PAX9: variants seen among roughly 807,000 people sequenced by gnomAD.
PAX9 encodes the protein paired box protein Pax-9.
A neutral mutation model predicts 29.1 loss-of-function variants in PAX9; 6 were observed. The observed-to-expected ratio is 0.21, with a 90% CI of 0.11 to 0.41. The LOEUF (loss-of-function observed/expected upper bound fraction) is 0.41. Among genes scored for constraint, PAX9 ranks in the 10% least tolerant of loss-of-function variants. The pLI, the probability that PAX9 is intolerant of heterozygous loss-of-function variation, is 1.00. For missense variants in PAX9, 443 were observed against 479.1 expected (o/e 0.92, Z 0.70); for synonymous variants, 217 against 211.7 (o/e 1.03, Z -0.22).
intron 2 of PAX9, among the ~76,000 whole-genome samples, chr14:36,665,813 T>G (rs1165817316): frequency 6.6e-6 from 1 of 152,244 alleles, no homozygotes; most frequent in African/African-American, 2.4e-5. Flanking sequence ...ATATCACATA[T>G]GTAATGTGTA....
Position 36,663,610 on chromosome 14 carries a change from A to G in PAX9, c.631+87A>G. 3 of 1,531,856 alleles carry G rather than the reference A, an allele frequency of 2.0e-6. No individual in the cohort carries two copies. In the South Asian group the frequency reaches 3.5e-5, roughly 18 times the overall value. The allele number at this position is 1,531,856 out of a possible 1,614,324, so 94.9% of individuals were successfully genotyped here. A position where few individuals can be genotyped will look rare whatever the true frequency, so the allele number is the denominator to read the frequency against. On this transcript the variant is annotated intron_variant, in intron 2 of 3. Transcript: ENST00000361487. ...TCCCAGTATCTGCAGCCTCAGGGACACTGTCTTTCCCACCACCTGAGGCTT... is the reference window on the plus strand; with the variant it reads ...TCCCAGTATCTGCAGCCTCAGGGACGCTGTCTTTCCCACCACCTGAGGCTT...
At chr14:36,666,301 CAGG>C in intron 2 of PAX9, 158 bp from the exon 3 acceptor site, 1 of 819,524 alleles carries the variant, frequency 1.2e-6, no homozygotes. Flanking sequence ...GCTGGAAGCA[CAGG>C]AGGTCGCGGC....
chr14:36,672,852 C>CTTTTT lies in PAX9; in HGVS notation c.772-3320_772-3316dup, dbSNP rs3061562. On this transcript the variant is annotated intron_variant, in intron 3 of 3. Transcript: ENST00000361487. ...TTCTTTTTTCTTTCTTTCTTTCTTCCTTTTTTTTTTTTTTTTTTTTTTTTT... is the reference window on the plus strand; with the variant it reads ...TTCTTTTTTCTTTCTTTCTTTCTTCCTTTTTTTTTTTTTTTTTTTTTTTTTTTTTT... Among the ~76,000 whole-genome samples, 11 of 19,158 alleles carry CTTTTT rather than the reference C, an allele frequency of 5.7e-4. 3 individuals are homozygous for CTTTTT. Among genetic ancestry groups the CTTTTT allele is most frequent in the Admixed American group, 2.6e-3 (3 of 1,160 alleles). 12.6% of individuals were successfully genotyped at this position (19,158 alleles called of 152,430 possible).
chr14:36,679,265 A>G lies in PAX9; in HGVS notation c.*2813A>G. ...ATAAATTTTAAAAAACACGTTGGAA[A>G]GGATGTACAACAGAAGGCTATGTAT... On this transcript the variant is annotated 3_prime_UTR_variant, in exon 4 of 4. Coordinates refer to ENST00000361487, the MANE Select transcript of PAX9 (RefSeq NM_001372076.1). 1.0e-6 allele frequency: 1 copy of G among 983,444 alleles called. No homozygotes were observed. The highest frequency in any genetic ancestry group is 4.7e-5 in the South Asian group (1 of 21,234). 60.9% of individuals were successfully genotyped at this position (983,444 alleles called of 1,614,324 possible).
intron 3 of PAX9, among the ~76,000 whole-genome samples, chr14:36,672,368 C>T (rs971732390): frequency 5.9e-5 from 9 of 152,122 alleles, no homozygotes; most frequent in African/African-American, 1.7e-4. Flanking sequence ...CGATTTGGGA[C>T]GTTTAAGTCA....
At chr14:36,665,744 A>G (rs998024208) in intron 2 of PAX9, among the ~76,000 whole-genome samples, 7 of 152,182 alleles carry the variant, frequency 4.6e-5, no homozygotes, top group Non-Finnish European at 8.8e-5. Flanking sequence ...AAACCCTGCC[A>G]CTAACACCCA....
intron 3 of PAX9, 113 bp downstream of exon 3, chr14:36,666,714 C>A: frequency 7.5e-7 from 1 of 1,340,036 alleles, no homozygotes; most frequent in Non-Finnish European, 1.0e-6. Context: ...CCCAGGCTGG[C>A]GTCCCTTTGC....
upstream of PAX9, among the ~76,000 whole-genome samples, chr14:36,658,373 T>TGGGGG (rs36065207): frequency 7.8e-6 from 1 of 128,824 alleles, no homozygotes; most frequent in African/African-American, 2.9e-5. Context: ...GGGCCTCGCT[T>TGGGGG]GGGGGGGGGG....
chr14:36,659,326 T>C (rs1881166129), upstream of PAX9, among the ~76,000 whole-genome samples: 1 of 152,046 alleles, frequency 6.6e-6, no homozygotes, highest in Non-Finnish European at 1.5e-5. Flanking sequence ...TCATCCTCTT[T>C]CTCTGCCTCA....
upstream of PAX9, among the ~76,000 whole-genome samples, chr14:36,660,854 G>A (rs1303029942): frequency 1.3e-5 from 2 of 152,268 alleles, no homozygotes; most frequent in Non-Finnish European, 2.9e-5. Flanking sequence ...TAGACTTACA[G>A]TGAATAAAAG....
upstream of PAX9, among the ~76,000 whole-genome samples, chr14:36,659,547 C>A (rs778327006): frequency 2.0e-5 from 3 of 152,202 alleles, no homozygotes; most frequent in Admixed American, 1.3e-4. Flanking sequence ...ACTCTTCCTG[C>A]GCTCTTGAGA....
At position 36,678,656 on chromosome 14, in the gene PAX9, A is replaced by C; in HGVS notation, c.*2204A>C. On this transcript the variant is annotated 3_prime_UTR_variant, in exon 4 of 4. Coordinates refer to ENST00000361487, the MANE Select transcript of PAX9 (RefSeq NM_001372076.1). Reference sequence around the variant, plus strand: ...TTTTAGGTGGCTGTTAGGGGGCTTTAAAAAATATTACTTGCTTGTGTGGAA... The same window carrying C: ...TTTTAGGTGGCTGTTAGGGGGCTTTCAAAAATATTACTTGCTTGTGTGGAA... 8.0e-7 allele frequency: 1 copy of C among 1,251,090 alleles called. No individual in the cohort carries two copies. 77.5% of individuals were successfully genotyped at this position (1,251,090 alleles called of 1,614,324 possible). A position where few individuals can be genotyped will look rare whatever the true frequency, so the allele number is the denominator to read the frequency against.
intron 3 of PAX9, among the ~76,000 whole-genome samples, chr14:36,666,922 C>T (rs1881523514): frequency 6.6e-6 from 1 of 152,152 alleles, no homozygotes; most frequent in Admixed American, 6.5e-5. Context: ...GGAGGCGGCT[C>T]CCGAAGCCCT....
chr14:36,658,502 C>G (rs1881125162), upstream of PAX9: 1 of 152,434 alleles, frequency 6.6e-6, no homozygotes, highest in African/African-American at 2.4e-5. Context: ...CATACGCACC[C>G]CCAACTCTCG....
At chr14:36,665,167 GAA>G (rs67344124) in intron 2 of PAX9, among the ~76,000 whole-genome samples, 7,840 of 87,644 alleles carry the variant, frequency 0.089, 403 homozygotes, top group African/African-American at 0.21. Flanking sequence ...GAGACATAGT[GAA>G]AAAAAAAAAA....
rs200344655 is a variant in PAX9, at chr14:36,666,580, G to A, written c.750G>A (p.Glu250=). The A allele has an allele frequency of 1.9e-6, 3 of 1,572,154 alleles. No individual in the cohort carries two copies. The highest frequency in any genetic ancestry group is 1.2e-5 in the South Asian group (1 of 85,674). The change falls in exon 3 of 4, where the codon GAG becomes GAA. Residue 250 remains glutamate, a synonymous_variant. Transcript: ENST00000361487. ...ACGGGTTGGAGAAGGGAGCCCTGGA[G>A]CAGGAAGCCAAGTACGGTCAGGTGA... ...AVNGLEKGAL[E]QEAKYGQAPN... is the part of the protein sequence containing the mutation.
chr14:36,666,413 GGC>G (rs755550939), intron 2 of PAX9, 47 bp from the exon 3 acceptor site: 18 of 1,591,486 alleles, frequency 1.1e-5, no homozygotes, highest in Admixed American at 1.7e-5. Flanking sequence ...TCAAGAGTGG[GGC>G]GCGCGGGCTG....
At chr14:36,675,100 T>C (rs1271427360) in intron 3 of PAX9, among the ~76,000 whole-genome samples, 1 of 152,228 alleles carries the variant, frequency 6.6e-6, no homozygotes, top group East Asian at 1.9e-4. Flanking sequence ...ATTTTCCTCA[T>C]AAAATTCTAG....
At chr14:36,666,675 G>T (rs549430969) in intron 3 of PAX9, 74 bp downstream of exon 3, 1 of 1,521,172 alleles carries the variant, frequency 6.6e-7, no homozygotes, top group African/African-American at 1.4e-5. Context: ...TTTGTGATGG[G>T]TCCCTTTCTG....
Sources: allele counts gnomAD v4.1 joint callset (sites outside exome capture counted in the v4.1 genomes callset), GRCh38; gene constraint gnomAD v4.1.1; transcripts MANE v1.5; gene names NCBI Gene and HGNC (gene_info 2026-07-23, HGNC 2026-07-21).